TLE2: variants seen among roughly 807,000 people sequenced by gnomAD.
TLE2 encodes transducin-like enhancer protein 2.
TLE2 carries 74 observed loss-of-function variants against 97.2 expected under a neutral mutation model. That is an observed-to-expected ratio of 0.76 (90% CI 0.63 to 0.92). The LOEUF (loss-of-function observed/expected upper bound fraction) is 0.92, where lower values mean the gene tolerates loss of function less well. Ranked by LOEUF, TLE2 falls within the 40% of genes least tolerant of loss-of-function variation. TLE2 has a pLI of 0.00. For missense variants in TLE2, 1,038 were observed against 1,008.7 expected, an observed-to-expected ratio of 1.03 and a Z score of -0.39; for synonymous variants, 499 against 432.1, an observed-to-expected ratio of 1.15 and a Z score of -1.92.
At chr19:3,027,944 G>A (rs1183706841) in intron 3 of TLE2, 71 bp from the exon 4 acceptor site, 1 of 1,477,046 alleles carries the variant, frequency 6.8e-7, no homozygotes, top group African/African-American at 1.4e-5. Context: ...GGTGATGCCA[G>A]GGTCTTCCAA....
In TLE2 at chr19:3,005,871, G is replaced by C; in HGVS notation, c.1598C>G (p.Ala533Gly). The part of the protein sequence containing the change: ...EASTLSIWDL[A>G]APTPRIKAEL... ...GGCCTTGATACGGGGGGTGGGCGCC[G>C]CCAGGTCCCAAATGGACAAGGTGCT... Residue 533 changes from alanine (A) to glycine (G), a missense_variant, in exon 16 of 20, where the codon GCG becomes GGG. By Grantham distance (60) the Ala-to-Gly change is moderately conservative (BLOSUM62 0). Transcript: ENST00000262953. 1 of 1,613,920 alleles carries C rather than the reference G, an allele frequency of 6.2e-7. No individual in the cohort carries two copies. Among genetic ancestry groups the C allele is most frequent in the East Asian group, 2.2e-5 (1 of 44,878 alleles).
At chr19:3,036,254 GAA>G (rs2090061791) in intron 1 of TLE2, among the ~76,000 whole-genome samples, 1 of 152,190 alleles carries the variant, frequency 6.6e-6, no homozygotes, top group Non-Finnish European at 1.5e-5. Flanking sequence ...CGGGTTTTCA[GAA>G]AAAGACTACG....
intron 5 of TLE2, among the ~76,000 whole-genome samples, chr19:3,021,020 C>T (rs2089826713): frequency 1.4e-5 from 2 of 141,658 alleles, no homozygotes; most frequent in Admixed American, 1.6e-4. Context: ...ACCCAAGAGG[C>T]ACAGGTTGCA....
intron 1 of TLE2, among the ~76,000 whole-genome samples, chr19:3,041,534 C>T (rs970937664): frequency 1.3e-5 from 2 of 152,196 alleles, no homozygotes; most frequent in African/African-American, 4.8e-5. Context: ...TCAAATGTCA[C>T]CTCCTCAGAG....
intron 17 of TLE2, among the ~76,000 whole-genome samples, chr19:3,003,723 C>G (rs2089416251): frequency 6.8e-6 from 1 of 146,744 alleles, no homozygotes; most frequent in Admixed American, 7.3e-5. Context: ...CTTTTTGAGA[C>G]AGACAGGGTC....
At chr19:3,014,388 G>T (rs1300478568) in intron 10 of TLE2, among the ~76,000 whole-genome samples, 182 bp downstream of exon 10, 1 of 152,118 alleles carries the variant, frequency 6.6e-6, no homozygotes, top group Non-Finnish European at 1.5e-5. Context: ...GTCACTCCCT[G>T]TGCAGTGGAG....
chr19:3,015,957 G>C (rs1295754719), intron 8 of TLE2, 197 bp from the exon 9 acceptor site: 1 of 669,510 alleles, frequency 1.5e-6, no homozygotes, highest in African/African-American at 1.8e-5. Flanking sequence ...TTTTGTTTTT[G>C]ACGGAGTCTT....
In TLE2 at chr19:3,006,723, G is replaced by A. The variant is rs959294619; in HGVS notation, c.1251-54C>T. The stretch of plus-strand genomic sequence containing the variant: ...CCCTGGGCACCACGCCCCCGCACCC[G>A]CACCTGGGAGGGCAGGGAGACGCCT... On this transcript the variant is annotated intron_variant, in intron 14 of 19. Transcript: ENST00000262953. 71 of 1,529,934 alleles carry A rather than the reference G, an allele frequency of 4.6e-5. 3 individuals are homozygous for A. In the South Asian group the frequency reaches 7.5e-4, roughly 16 times the overall value. The allele number at this position is 1,529,934 out of a possible 1,614,324, so 94.8% of individuals were successfully genotyped here.
Position 3,019,642 on chromosome 19 carries a change from C to T in TLE2, c.369+57G>A. Reference sequence around the variant, plus strand: ...AGCTTTAACACCTCCTGGGTGGGTGCCAGGGACCTGGGAGTGGGCGTCTCC... The same window carrying T: ...AGCTTTAACACCTCCTGGGTGGGTGTCAGGGACCTGGGAGTGGGCGTCTCC... On this transcript the variant is annotated intron_variant, in intron 6 of 19. Transcript: ENST00000262953. This position sits in a 1 kb window ranked among gnomAD's most constrained non-coding sequence, Gnocchi z 5.1. 1.3e-6 allele frequency: 2 copies of T among 1,576,190 alleles called. No individual in the cohort carries two copies. The highest frequency in any genetic ancestry group is 1.7e-6 in the Non-Finnish European group (2 of 1,160,854).
At chr19:3,045,879 C>G (rs927110559), upstream of TLE2, 2 of 335,946 alleles carry the variant, frequency 6.0e-6, no homozygotes, top group African/African-American at 2.1e-5. Flanking sequence ...CATTTGAATC[C>G]AGATTCCCTG....
intron 5 of TLE2, among the ~76,000 whole-genome samples, chr19:3,024,641 G>T (rs771696603): frequency 1.3e-5 from 2 of 152,142 alleles, no homozygotes; most frequent in Non-Finnish European, 2.9e-5. Context: ...CTGGGTGTAT[G>T]AGCTCATCTC....
At position 3,011,844 on chromosome 19, in the gene TLE2, C is replaced by T. The variant is rs528409504; in HGVS notation, c.874-684G>A. Among the ~76,000 whole-genome samples, 10 of 151,622 alleles carry T rather than the reference C, an allele frequency of 6.6e-5. No homozygotes were observed. The South Asian group carries it at 2.1e-3, about 32-fold the overall frequency. ...TAGCCTGGGCAACAAAAGCAAAACT[C>T]TACAAAAACAAAAAACAAAACAAAA... On this transcript the variant is annotated intron_variant, in intron 11 of 19. Transcript: ENST00000262953.
In TLE2 at chr19:3,015,703, C is replaced by A; in HGVS notation, c.628G>T (p.Gly210Cys). 6.2e-7 allele frequency: 1 copy of A among 1,611,810 alleles called. No individual in the cohort carries two copies. The highest frequency in any genetic ancestry group is 8.5e-7 in the Non-Finnish European group (1 of 1,179,446). The change falls in exon 9 of 20, where the codon GGT becomes TGT. Residue 210 changes from glycine (G) to cysteine (C), a missense_variant. Gly to Cys is a radical substitution (Grantham distance 159). Coordinates refer to ENST00000262953, the MANE Select transcript of TLE2 (RefSeq NM_003260.5). The part of the protein sequence containing the change: ...LVEEERPSGP[G>C]GGGKQRADEK... ...TCTGCTCTCTGCTTCCCGCCACCAC[C>A]AGGGCCACTCGGTCGCTCCTCCTCC...
Position 3,006,454 on chromosome 19 carries a change from C to A in TLE2, c.1466G>T (p.Gly489Val). The change falls in exon 15 of 20, where the codon GGG becomes GTG. Residue 489 changes from glycine (G) to valine (V), a missense_variant. Transcript: ENST00000262953. Reference sequence around the variant, plus strand: ...GAGCTGGGCCACGGGCGTCTTGGCCCCAGGCTGGCCCACGTCCCACACCTT... The same window carrying A: ...GAGCTGGGCCACGGGCGTCTTGGCCACAGGCTGGCCCACGTCCCACACCTT... ...CVKVWDVGQP[G>V]AKTPVAQLDC... The A allele has an allele frequency of 6.2e-7, 1 of 1,610,724 alleles. No homozygotes were observed.
In TLE2 at chr19:2,997,645, G is replaced by GTGA; in HGVS notation, c.*200_*202dup. 3.5e-6 allele frequency: 2 copies of GTGA among 574,448 alleles called. No homozygotes were observed. Among genetic ancestry groups the GTGA allele is most frequent in the Non-Finnish European group, 6.3e-6 (2 of 319,594 alleles). 35.6% of individuals were successfully genotyped at this position (574,448 alleles called of 1,614,324 possible). On this transcript the variant is annotated 3_prime_UTR_variant, in exon 20 of 20. Coordinates refer to ENST00000262953, the MANE Select transcript of TLE2 (RefSeq NM_003260.5). ...CCCAGCCCGAGAGAGAAGTGCGGAT[G>GTGA]TGATAGATACATTTTATTTCCACCG...
At chr19:3,012,031 G>A (rs1420832859) in intron 11 of TLE2, among the ~76,000 whole-genome samples, 1 of 151,990 alleles carries the variant, frequency 6.6e-6, no homozygotes, top group Non-Finnish European at 1.5e-5. Context: ...GATCACCTGA[G>A]ATCAGGAGAT....
intron 19 of TLE2, among the ~76,000 whole-genome samples, chr19:2,999,172 C>T (rs1444338170): frequency 6.6e-6 from 1 of 151,906 alleles, no homozygotes; most frequent in African/African-American, 2.4e-5. Context: ...ATGCCAGTTA[C>T]TTGGGAAGCT....
In TLE2 at chr19:3,013,663, C is replaced by T. The variant is rs1442785338; in HGVS notation, c.873+6G>A. ...GTGAGTTTCAAGGCCCTCCCCTCCT[C>T]CTTACCAGGATGAGCTCCTTGGCTC... On this transcript the variant is annotated splice_donor_region_variant and intron_variant, in intron 11 of 19. Coordinates refer to ENST00000262953, the MANE Select transcript of TLE2 (RefSeq NM_003260.5). 7.3e-7 allele frequency: 1 copy of T among 1,373,770 alleles called. No individual in the cohort carries two copies. Among genetic ancestry groups the T allele is most frequent in the Admixed American group, 2.9e-5 (1 of 34,210 alleles). 85.1% of individuals were successfully genotyped at this position (1,373,770 alleles called of 1,614,324 possible).
upstream of TLE2, among the ~76,000 whole-genome samples, chr19:3,047,165 TC>T (rs1427903011): frequency 3.2e-5 from 1 of 30,908 alleles, no homozygotes; most frequent in Non-Finnish European, 6.4e-5. Flanking sequence ...TCCCCTCCCC[TC>T]CCCCTACCCT....
Sources: gnomAD v4.1 joint callset for allele counts (sites outside exome capture counted in the v4.1 genomes callset) on GRCh38, gnomAD v4.1.1 for gene constraint, Gnocchi (gnomAD v3.1) non-coding constraint, MANE v1.5 for transcripts, NCBI Gene and HGNC (gene_info 2026-07-23, HGNC 2026-07-21) for gene names.